ZBTB47: variants seen among roughly 807,000 people sequenced by gnomAD.
ZBTB47 encodes zinc finger and BTB domain-containing protein 47.
A neutral mutation model predicts 56.6 loss-of-function variants in ZBTB47; 24 were observed. That is an observed-to-expected ratio of 0.42 (90% confidence interval 0.31 to 0.60). The LOEUF is 0.60. Ranked by LOEUF, ZBTB47 falls within the 20% of genes least tolerant of loss-of-function variation. ZBTB47 has a pLI of 0.14. For synonymous variants in ZBTB47, 414 were observed against 418.9 expected (o/e 0.99, Z 0.14); for missense variants, 829 against 1,032.6 (o/e 0.80, Z 2.70).
Position 42,658,737 on chromosome 3 carries a change from G to A in ZBTB47, c.382G>A (p.Ala128Thr). The stretch of plus-strand genomic sequence containing the variant: ...GGGCACTGTGGCCCTGGCCCAGCCG[G>A]CTGCCAGCTGCACTCCAGCTGCGCC... Reference protein sequence around the residue: ...GPGTVALAQPAASCTPAAPPY... With the variant: ...GPGTVALAQPTASCTPAAPPY... Residue 128 changes from alanine (A) to threonine (T), a missense_variant, in exon 2 of 6, where the codon GCT (alanine) becomes ACT (threonine). Ala to Thr is a moderately conservative substitution (Grantham distance 58). This residue lies in a region of ZBTB47 where 120 missense variants were observed against 200.2 expected (regional missense o/e 0.60). Transcript: ENST00000232974. 6.5e-7 allele frequency: 1 copy of A among 1,532,314 alleles called. No homozygotes were observed. Among genetic ancestry groups the A allele is most frequent in the Non-Finnish European group, 8.7e-7 (1 of 1,144,482 alleles). 94.9% of individuals were successfully genotyped at this position (1,532,314 alleles called of 1,614,324 possible).
At chr3:42,662,288 G>T (rs1431946361) in intron 3 of ZBTB47, among the ~76,000 whole-genome samples, 1 of 152,204 alleles carries the variant, frequency 6.6e-6, no homozygotes, top group Non-Finnish European at 1.5e-5. Context: ...TGAGCCCCTG[G>T]CCAGGTCCTA....
chr3:42,659,435 G>A lies in ZBTB47; in HGVS notation c.1080G>A (p.Gly360=). 1 of 1,325,072 alleles carries A rather than the reference G, an allele frequency of 7.5e-7. No homozygotes were observed. The highest frequency in any genetic ancestry group is 1.5e-5 in the South Asian group (1 of 68,842). 82.1% of individuals were successfully genotyped at this position (1,325,072 alleles called of 1,614,324 possible). A position where few individuals can be genotyped will look rare whatever the true frequency, so the allele number is the denominator to read the frequency against. The change falls in exon 2 of 6, where the codon GGG becomes GGA. Residue 360 remains glycine, a synonymous_variant. Coordinates refer to ENST00000232974, the MANE Select transcript of ZBTB47 (RefSeq NM_145166.4). ...AGGGGGAGGCTGGGGGCAAGCAGGG[G>A]CCACGGGGAAGCCGAAGCAGCCGGG... ...GEEGEAGGKQ[G]PRGSRSSRAD...
chr3:42,663,799 C>G lies in ZBTB47; in HGVS notation c.1740C>G (p.Asn580Lys), dbSNP rs1710749460. Residue 580 changes from asparagine (N) to lysine (K), a missense_variant and splice_region_variant, in exon 5 of 6, where the codon AAC (asparagine) becomes AAG (lysine). Physicochemically the swap from Asn to Lys is moderately conservative, Grantham distance 94. Transcript: ENST00000232974. The surrounding 1 kb of genome is among the most constrained non-coding windows in gnomAD (Gnocchi z 5.1). ...HSGEKPFRCENCNERFQYKYQ... is the reference protein window; with the variant it reads ...HSGEKPFRCEKCNERFQYKYQ... The stretch of plus-strand genomic sequence containing the variant: ...TCACCCCCAAACCCCACCCCCAGAA[C>G]TGCAATGAGCGCTTCCAGTACAAGT... 6.2e-7 allele frequency: 1 copy of G among 1,613,194 alleles called. No homozygotes were observed.
In ZBTB47 at chr3:42,663,102, CAG is replaced by C. The variant is rs758546101; in HGVS notation, c.1713_1714del (p.Lys574AlafsTer5). The stretch of plus-strand genomic sequence containing the variant: ...CTCAAGGTGCACTCACTGCAGCACT[CAG>C]GGGAGAAGCCGTTCAGATGTGAGGT... On this transcript the variant is annotated frameshift_variant, in exon 4 of 6. Transcript: ENST00000232974. LOFTEE classifies it high-confidence loss of function. The surrounding 1 kb of genome is among the most constrained non-coding windows in gnomAD (Gnocchi z 5.1). 5.6e-6 allele frequency: 9 copies of C among 1,613,844 alleles called. No homozygotes were observed. The highest frequency in any genetic ancestry group is 2.7e-5 in the African/African-American group (2 of 75,062).
upstream of ZBTB47, among the ~76,000 whole-genome samples, chr3:42,653,271 A>G (rs1217856208): frequency 2.0e-5 from 3 of 152,180 alleles, no homozygotes; most frequent in Non-Finnish European, 4.4e-5. Context: ...GGCACCTAGA[A>G]CCAAGTCACC....
Position 42,663,880 on chromosome 3 carries a change from A to G in ZBTB47, c.1821A>G (p.Gln607=), listed in dbSNP as rs141874397. ...TTGGCCACAAGCAGTTCATGTGCCA[A>G]TGGTGCGGCAAGGACTTCAACATGA... ...IHIGHKQFMC[Q]WCGKDFNMKQ... The change falls in exon 5 of 6, where the codon CAA becomes CAG. Residue 607 remains glutamine (Q), a synonymous_variant. Transcript: ENST00000232974. This position sits in a 1 kb window ranked among gnomAD's most constrained non-coding sequence, Gnocchi z 5.1. 9.4e-5 allele frequency: 152 copies of G among 1,613,920 alleles called. 1 individual carries two copies. The highest frequency in any genetic ancestry group is 2.5e-4 in the African/African-American group (19 of 75,030).
chr3:42,656,679 G>C lies in ZBTB47; in HGVS notation c.-81-1596G>C, dbSNP rs1489398684. On this transcript the variant is annotated intron_variant, in intron 1 of 5. Coordinates refer to ENST00000232974, the MANE Select transcript of ZBTB47 (RefSeq NM_145166.4). The surrounding 1 kb of genome is among the most constrained non-coding windows in gnomAD (Gnocchi z 5.8). The stretch of plus-strand genomic sequence containing the variant: ...TGCTGGGTGTAGGGGGCAGGGTCCA[G>C]GGCAGGCCTGGAGACAGGTGGCCCC... Among the ~76,000 whole-genome samples, 3 of 152,080 alleles carry C rather than the reference G, an allele frequency of 2.0e-5. No homozygotes were observed. The highest frequency in any genetic ancestry group is 2.9e-5 in the Non-Finnish European group (2 of 67,998).
Position 42,663,234 on chromosome 3 carries a change from G to A in ZBTB47, c.1737+107G>A, listed in dbSNP as rs1710743205. 1 of 828,388 alleles carries A rather than the reference G, an allele frequency of 1.2e-6. No homozygotes were observed. Among genetic ancestry groups the A allele is most frequent in the Non-Finnish European group, 2.0e-6 (1 of 498,790 alleles). 51.3% of individuals were successfully genotyped at this position (828,388 alleles called of 1,614,324 possible). A position where few individuals can be genotyped will look rare whatever the true frequency, so the allele number is the denominator to read the frequency against. The stretch of plus-strand genomic sequence containing the variant: ...AAAGGGCTAGGGGGTGGAATGTAGT[G>A]TCCAGAAAGAGAGAGCCCTGCCCTC... On this transcript the variant is annotated intron_variant, in intron 4 of 5. Transcript: ENST00000232974. This position sits in a 1 kb window ranked among gnomAD's most constrained non-coding sequence, Gnocchi z 5.1.
rs752455355 is a variant in ZBTB47, at chr3:42,663,853, C to T, written c.1794C>T (p.His598=). 6.2e-6 allele frequency: 10 copies of T among 1,613,864 alleles called. No individual in the cohort carries two copies. Among genetic ancestry groups the T allele is most frequent in the Non-Finnish European group, 7.6e-6 (9 of 1,179,866 alleles). ...KYQLRSHMSI[H]IGHKQFMCQW... is the part of the protein sequence containing the mutation. ...AGCTGCGGTCACACATGAGCATCCA[C>T]ATTGGCCACAAGCAGTTCATGTGCC... Residue 598 remains histidine (H), a synonymous_variant, in exon 5 of 6, where the codon CAC becomes CAT. Transcript: ENST00000232974. The surrounding 1 kb of genome is among the most constrained non-coding windows in gnomAD (Gnocchi z 5.1).
At position 42,661,606 on chromosome 3, in the gene ZBTB47, T is replaced by C. The variant is rs1351796488; in HGVS notation, c.1595T>C (p.Met532Thr). 6.2e-7 allele frequency: 1 copy of C among 1,614,020 alleles called. No homozygotes were observed. Residue 532 changes from methionine (M) to threonine (T), a missense_variant, in exon 3 of 6, where the codon ATG (methionine) becomes ACG (threonine). Met to Thr is a moderately conservative substitution (Grantham distance 81). Coordinates refer to ENST00000232974, the MANE Select transcript of ZBTB47 (RefSeq NM_145166.4). ...ATCTGTGAGAAGAAGTTCTACACCA[T>C]GGCCCACGTGCGTAAGCACATGGTT... ...CEICEKKFYT[M>T]AHVRKHMVAH...
Position 42,664,343 on chromosome 3 carries a change from CGT to C in ZBTB47, c.1995_1996del (p.Cys665TrpfsTer162). 1 of 1,612,868 alleles carries C rather than the reference CGT, an allele frequency of 6.2e-7. No individual in the cohort carries two copies. The highest frequency in any genetic ancestry group is 2.2e-5 in the East Asian group (1 of 44,860). Reference protein sequence around the residue: ...HTGEKPYPCDVCGQRFRFSNM... With the variant: ...HTGEKPYPCDXCGQRFRFSNM... ...CGGGCGAGAAGCCGTACCCGTGCGA[CGT>C]GTGTGGCCAGCGCTTCCGCTTCTCC... is the stretch of plus-strand genomic sequence containing the variant. On this transcript the variant is annotated frameshift_variant, in exon 6 of 6. Coordinates refer to ENST00000232974, the MANE Select transcript of ZBTB47 (RefSeq NM_145166.4). LOFTEE classifies it low-confidence loss of function (END_TRUNC).
intron 3 of ZBTB47, 30 bp from the exon 4 acceptor site, chr3:42,662,982 A>G: frequency 6.4e-7 from 1 of 1,568,156 alleles, no homozygotes. Flanking sequence ...AGGCCCGTAA[A>G]ACATGATGGC....
At chr3:42,659,949 C>A in intron 2 of ZBTB47, 121 bp downstream of exon 2, 1 of 1,368,326 alleles carries the variant, frequency 7.3e-7, no homozygotes, top group Non-Finnish European at 9.6e-7. Context: ...GGAGACCAGA[C>A]TTAGCCCCCA....
Position 42,659,391 on chromosome 3 carries a change from G to A in ZBTB47, c.1036G>A (p.Glu346Lys). 1.4e-6 allele frequency: 2 copies of A among 1,422,476 alleles called. No individual in the cohort carries two copies. Among genetic ancestry groups the A allele is most frequent in the South Asian group, 1.5e-5 (1 of 67,848 alleles). The allele number at this position is 1,422,476 out of a possible 1,614,324, so 88.1% of individuals were successfully genotyped here. Reference sequence around the variant, plus strand: ...TAGTGAGCAGGATCAAGAGAGCTCTGAGGAGGAGGAGGGGGAGGAGGGGGA... The same window carrying A: ...TAGTGAGCAGGATCAAGAGAGCTCTAAGGAGGAGGAGGGGGAGGAGGGGGA... ...GPSEQDQESS[E>K]EEEGEEGEAG... The change falls in exon 2 of 6, where the codon GAG becomes AAG. Residue 346 changes from glutamate to lysine, a missense_variant. Glu to Lys is a moderately conservative substitution (Grantham distance 56). Around this residue, in one of 6 missense-constraint regions of ZBTB47, gnomAD observed 359 missense variants for 359.8 expected, o/e 1.00. Transcript: ENST00000232974.
At position 42,658,867 on chromosome 3, in the gene ZBTB47, C is replaced by T; in HGVS notation, c.512C>T (p.Ala171Val). Residue 171 changes from alanine to valine, a missense_variant, in exon 2 of 6, where the codon GCA (alanine) becomes GTA (valine). Physicochemically the swap from Ala to Val is moderately conservative, Grantham distance 64. Transcript: ENST00000232974. Reference protein sequence around the residue: ...DPYSVRVEDGAGTAGGTVPAT... With the variant: ...DPYSVRVEDGVGTAGGTVPAT... ...TACTCGGTGCGTGTTGAGGACGGGG[C>T]AGGGACTGCTGGTGGCACAGTGCCT... 6.6e-7 allele frequency: 1 copy of T among 1,523,420 alleles called. No homozygotes were observed. Among genetic ancestry groups the T allele is most frequent in the Non-Finnish European group, 8.8e-7 (1 of 1,139,790 alleles). The allele number at this position is 1,523,420 out of a possible 1,614,324, so 94.4% of individuals were successfully genotyped here.
At position 42,658,871 on chromosome 3, in the gene ZBTB47, G is replaced by T; in HGVS notation, c.516G>T (p.Gly172=). ...PYSVRVEDGA[G]TAGGTVPATI... ...CGGTGCGTGTTGAGGACGGGGCAGG[G>T]ACTGCTGGTGGCACAGTGCCTGCCA... Residue 172 remains glycine, a synonymous_variant, in exon 2 of 6, where the codon GGG becomes GGT. Coordinates refer to ENST00000232974, the MANE Select transcript of ZBTB47 (RefSeq NM_145166.4). 4 of 1,521,094 alleles carry T rather than the reference G, an allele frequency of 2.6e-6. No individual in the cohort carries two copies. Among genetic ancestry groups the T allele is most frequent in the Admixed American group, 4.0e-5 (2 of 49,514 alleles). 94.2% of individuals were successfully genotyped at this position (1,521,094 alleles called of 1,614,324 possible).
chr3:42,657,214 G>T (rs1301000505), intron 1 of ZBTB47, among the ~76,000 whole-genome samples: 1 of 152,228 alleles, frequency 6.6e-6, no homozygotes, highest in African/African-American at 2.4e-5. Context: ...ACAGGTGCTG[G>T]ATGTGGCCCA....
chr3:42,663,722 C>A lies in ZBTB47; in HGVS notation c.1738-75C>A. 1 of 1,567,596 alleles carries A rather than the reference C, an allele frequency of 6.4e-7. No homozygotes were observed. Among genetic ancestry groups the A allele is most frequent in the East Asian group, 2.3e-5 (1 of 43,858 alleles). The stretch of plus-strand genomic sequence containing the variant: ...GTGTCCCTCCTTGGCCCTGTGGCCA[C>A]AGGGGAGCTGTTCCCTCCACAAAGG... On this transcript the variant is annotated intron_variant, in intron 4 of 5. Transcript: ENST00000232974. This position sits in a 1 kb window ranked among gnomAD's most constrained non-coding sequence, Gnocchi z 5.1.
rs1172978668 is a variant in ZBTB47, at chr3:42,664,534, C to A, written c.2180C>A (p.Pro727Gln). The A allele has an allele frequency of 5.0e-6, 7 of 1,406,444 alleles. No individual in the cohort carries two copies. The African/African-American group carries it at 1.1e-4, about 22-fold the overall frequency. The allele number at this position is 1,406,444 out of a possible 1,614,324, so 87.1% of individuals were successfully genotyped here. Residue 727 changes from proline (P) to glutamine (Q), a missense_variant, in exon 6 of 6, where the codon CCG becomes CAG. Transcript: ENST00000232974. ...ACCCTGCCGCCCCCGCCCCACCTGC[C>A]GCCCCCGCCTCCGCTCTTCCCCACC... The part of the protein sequence containing the change: ...PQTLPPPPHL[P>Q]PPPPLFPTTA...
Sources: gnomAD v4.1 joint callset for allele counts (sites outside exome capture counted in the v4.1 genomes callset) on GRCh38, gnomAD v4.1.1 for gene constraint, gnomAD v4.1.1 regional missense constraint, Gnocchi (gnomAD v3.1) non-coding constraint, MANE v1.5 for transcripts, NCBI Gene and HGNC (gene_info 2026-07-23, HGNC 2026-07-21) for gene names.